Variants in RUVBL2 observed in about 807,000 individuals in gnomAD.
The protein encoded by RUVBL2 is ruvB-like 2.
In RUVBL2, 9 loss-of-function variants were observed where a neutral mutation model predicts 57.9. The observed-to-expected ratio is 0.16, with a 90% CI of 0.09 to 0.27. RUVBL2 has a LOEUF of 0.27. Among genes scored for constraint, RUVBL2 ranks in the 10% least tolerant of loss-of-function variants. The pLI, the probability that RUVBL2 is intolerant of heterozygous loss-of-function variation, is 1.00. For missense variants in RUVBL2, 456 were observed against 669.6 expected, an observed-to-expected ratio of 0.68 and a Z score of 3.52; for synonymous variants, 278 against 264.6, an observed-to-expected ratio of 1.05 and a Z score of -0.49.
rs1568637458 is a variant in RUVBL2, at chr19:49,007,153, C to CG, written c.395+11dup. ...TCCATCGGCGTTCGCATCAAGTAAG[C>CG]GGGGGACCCGAGGCGGGTGCCAGAC... On this transcript the variant is annotated splice_region_variant and intron_variant, in intron 5 of 14. Coordinates refer to ENST00000595090, the MANE Select transcript of RUVBL2 (RefSeq NM_006666.3). 1 of 1,613,064 alleles carries CG rather than the reference C, an allele frequency of 6.2e-7. No individual in the cohort carries two copies. Among genetic ancestry groups the CG allele is most frequent in the African/African-American group, 1.3e-5 (1 of 74,936 alleles).
At chr19:48,997,359 C>T (rs768630747) in intron 1 of RUVBL2, among the ~76,000 whole-genome samples, 2 of 152,134 alleles carry the variant, frequency 1.3e-5, no homozygotes, top group Non-Finnish European at 2.9e-5. Flanking sequence ...CGCGGTGGCT[C>T]ACGCCTATAA....
chr19:49,015,415 G>A, intron 13 of RUVBL2, 157 bp from the exon 14 acceptor site: 1 of 721,774 alleles, frequency 1.4e-6, no homozygotes, highest in Non-Finnish European at 2.3e-6. Flanking sequence ...ACAAGGAGAT[G>A]GCCAGGCAGG....
At chr19:48,995,987 A>AG (rs1000869733) in intron 1 of RUVBL2, among the ~76,000 whole-genome samples, 21 of 114,530 alleles carry the variant, frequency 1.8e-4, no homozygotes, top group African/African-American at 6.8e-4. Context: ...GCTGTGTCTC[A>AG]AAAAAAAAAA....
Position 49,011,748 on chromosome 19 carries a change from C to G in RUVBL2, c.1001+438C>G, listed in dbSNP as rs989933964. 2.6e-5 allele frequency among the ~76,000 whole-genome samples: 4 copies of G among 152,072 alleles called. No homozygotes were observed. Among genetic ancestry groups the G allele is most frequent in the Non-Finnish European group, 5.9e-5 (4 of 67,990 alleles). Reference sequence around the variant, plus strand: ...GCCTAAGGATGCCAGGGACAGATTCCCATGACACAGAGGGTACCGTGCTCT... The same window carrying G: ...GCCTAAGGATGCCAGGGACAGATTCGCATGACACAGAGGGTACCGTGCTCT... On this transcript the variant is annotated intron_variant, in intron 11 of 14. Coordinates refer to ENST00000595090, the MANE Select transcript of RUVBL2 (RefSeq NM_006666.3). The surrounding 1 kb of genome is among the most constrained non-coding windows in gnomAD (Gnocchi z 4.4).
rs559430899 is a variant in RUVBL2, at chr19:49,015,704, G to A, written c.1366+18G>A. ...CGAACTCAGTAAGAATCCCCACCCC[G>A]CACCTGCACTGCCAGAGCCAACCTC... is the stretch of plus-strand genomic sequence containing the variant. On this transcript the variant is annotated intron_variant, in intron 14 of 14. Coordinates refer to ENST00000595090, the MANE Select transcript of RUVBL2 (RefSeq NM_006666.3). 24 of 1,610,676 alleles carry A rather than the reference G, an allele frequency of 1.5e-5. No homozygotes were observed. The highest frequency in any genetic ancestry group is 1.7e-4 in the Middle Eastern group (1 of 6,052).
intron 1 of RUVBL2, chr19:48,994,135 T>A: frequency 2.2e-6 from 1 of 460,062 alleles, no homozygotes; most frequent in Non-Finnish European, 4.0e-6. Context: ...GGGAGGGGGC[T>A]GGGATCCCAG....
Position 49,014,541 on chromosome 19 carries a change from G to C in RUVBL2, c.1059G>C (p.Arg353=), listed in dbSNP as rs2039502861. The C allele has an allele frequency of 1.9e-6, 3 of 1,614,108 alleles. No individual in the cohort carries two copies. Among genetic ancestry groups the C allele is most frequent in the Non-Finnish European group, 2.5e-6 (3 of 1,180,026 alleles). The change falls in exon 12 of 15, where the codon CGG becomes CGC. Residue 353 remains arginine, a synonymous_variant. Transcript: ENST00000595090. ...PHGIPIDLLD[R]LLIVSTTPYS... ...GCATCCCCATAGACCTGCTGGACCG[G>C]CTGCTTATCGTCTCCACCACCCCCT...
At position 49,015,342 on chromosome 19, in the gene RUVBL2, G is replaced by A. The variant is rs1185253108; in HGVS notation, c.1251+192G>A. The A allele has an allele frequency of 1.3e-5, 10 of 767,398 alleles. No homozygotes were observed. The African/African-American group carries it at 1.6e-4, about 12-fold the overall frequency. 47.5% of individuals were successfully genotyped at this position (767,398 alleles called of 1,614,324 possible). A position where few individuals can be genotyped will look rare whatever the true frequency, so the allele number is the denominator to read the frequency against. ...TATCAGTAAATCTCTCTTGACTTAA[G>A]TAGATGCTGTTAGGTCCACCTTACA... On this transcript the variant is annotated intron_variant, in intron 13 of 14. Coordinates refer to ENST00000595090, the MANE Select transcript of RUVBL2 (RefSeq NM_006666.3).
chr19:49,013,859 A>G (rs1482933868), intron 11 of RUVBL2, among the ~76,000 whole-genome samples: 1 of 152,268 alleles, frequency 6.6e-6, no homozygotes. Context: ...GGTTGCAGTG[A>G]GCCGAGATCG....
chr19:49,006,003 C>T (rs1342440120), intron 4 of RUVBL2, among the ~76,000 whole-genome samples: 1 of 152,230 alleles, frequency 6.6e-6, no homozygotes, highest in Non-Finnish European at 1.5e-5. Context: ...CCGCAGGCCT[C>T]CTGCAGGCCA....
At chr19:49,010,466 T>TCCC in intron 8 of RUVBL2, 22 bp from the exon 9 acceptor site, 1 of 1,498,712 alleles carries the variant, frequency 6.7e-7, no homozygotes, top group Non-Finnish European at 9.2e-7. Context: ...TCCGCCGTTC[T>TCCC]TCCCCCACCC....
At chr19:48,999,279 G>C (rs2039129719) in intron 1 of RUVBL2, 40 bp from the exon 2 acceptor site, 1 of 1,611,534 alleles carries the variant, frequency 6.2e-7, no homozygotes, top group Admixed American at 1.7e-5. Flanking sequence ...TGAAAGCTGG[G>C]ACCACACTAG....
At chr19:48,999,923 C>T (rs958376250) in intron 2 of RUVBL2, among the ~76,000 whole-genome samples, 14 of 152,194 alleles carry the variant, frequency 9.2e-5, no homozygotes, top group Non-Finnish European at 2.1e-4. Context: ...AGTTGAGACG[C>T]AGTGAGGCCA....
Position 49,009,802 on chromosome 19 carries a change from C to G in RUVBL2, c.489C>G (p.Leu163=), listed in dbSNP as rs976563728. 1.2e-6 allele frequency: 2 copies of G among 1,614,060 alleles called. No homozygotes were observed. Among genetic ancestry groups the G allele is most frequent in the Non-Finnish European group, 1.7e-6 (2 of 1,179,992 alleles). ...GTGSKVGKLT[L]KTTEMETIYD... is the part of the protein sequence containing the mutation. ...GCTCCAAGGTGGGCAAACTGACCCT[C>G]AAGACCACAGAGATGGAGACCATCT... The change falls in exon 7 of 15, where the codon CTC becomes CTG. Residue 163 remains leucine (L), a synonymous_variant. Coordinates refer to ENST00000595090, the MANE Select transcript of RUVBL2 (RefSeq NM_006666.3).
chr19:49,014,668 C>A, intron 12 of RUVBL2, 65 bp downstream of exon 12: 1 of 1,588,078 alleles, frequency 6.3e-7, no homozygotes, highest in Non-Finnish European at 8.6e-7. Context: ...TTGACAAATG[C>A]TGACACTGAG....
At chr19:48,994,066 C>T in intron 1 of RUVBL2, 143 bp downstream of exon 1, 1 of 639,810 alleles carries the variant, frequency 1.6e-6, no homozygotes, top group Non-Finnish European at 2.5e-6. Context: ...GGAGGAAGCT[C>T]GGCCACCCAG....
Position 49,011,383 on chromosome 19 carries a change from G to A in RUVBL2, c.1001+73G>A, listed in dbSNP as rs1041492445. 1 of 1,242,266 alleles carries A rather than the reference G, an allele frequency of 8.0e-7. No individual in the cohort carries two copies. The highest frequency in any genetic ancestry group is 1.5e-5 in the African/African-American group (1 of 67,704). 77.0% of individuals were successfully genotyped at this position (1,242,266 alleles called of 1,614,324 possible). ...GTGGGTGTGGTCAGAGGGTCAATGG[G>A]AGCCTGTGTTGACACCGGGTCAGGG... On this transcript the variant is annotated intron_variant, in intron 11 of 14. Transcript: ENST00000595090. This position sits in a 1 kb window ranked among gnomAD's most constrained non-coding sequence, Gnocchi z 4.4.
chr19:48,998,201 G>GGCA (rs2039101943), intron 1 of RUVBL2, among the ~76,000 whole-genome samples: 1 of 152,186 alleles, frequency 6.6e-6, no homozygotes, highest in South Asian at 2.1e-4. Context: ...TCCCCTAGGG[G>GGCA]GCAGCACTTG....
chr19:49,010,483 CAT>C lies in RUVBL2; in HGVS notation c.664-3_664-2del. On this transcript the variant is annotated splice_polypyrimidine_tract_variant and splice_region_variant and intron_variant, in intron 8 of 14. Coordinates refer to ENST00000595090, the MANE Select transcript of RUVBL2 (RefSeq NM_006666.3). ...CGCCGTTCTTCCCCCACCCCCGCCC[CAT>C]AGACCAAGTTCGTGCAGTGCCCAGA... The C allele has an allele frequency of 1.8e-5, 28 of 1,575,128 alleles. No individual in the cohort carries two copies. Among genetic ancestry groups the C allele is most frequent in the Non-Finnish European group, 2.4e-5 (28 of 1,147,328 alleles).
Sources: gnomAD v4.1 joint callset for allele counts (sites outside exome capture counted in the v4.1 genomes callset) on GRCh38, gnomAD v4.1.1 for gene constraint, Gnocchi (gnomAD v3.1) non-coding constraint, MANE v1.5 for transcripts, NCBI Gene and HGNC (gene_info 2026-07-23, HGNC 2026-07-21) for gene names.